ATRX: variants seen among roughly 807,000 people sequenced by gnomAD.
ATRX encodes chromatin remodeler ATRX.
A neutral mutation model predicts 172.6 loss-of-function variants in ATRX; 12 were observed. That is an observed-to-expected ratio of 0.07 (90% CI 0.04 to 0.11). The LOEUF (loss-of-function observed/expected upper bound fraction) is 0.11. Ranked by LOEUF, ATRX falls within the 10% of genes least tolerant of loss-of-function variation. ATRX has a pLI of 1.00. For missense variants in ATRX, 1,368 were observed against 1,767.4 expected, an observed-to-expected ratio of 0.77 and a Z score of 4.05; for synonymous variants, 674 against 594.7, an observed-to-expected ratio of 1.13 and a Z score of -1.94.
At chrX:77,559,560 G>A (rs782509722) in intron 28 of ATRX, among the ~76,000 whole-genome samples, 5 of 101,057 alleles carry the variant, frequency 4.9e-5, no homozygotes, top group Non-Finnish European at 9.8e-5. Context: ...CCAGGTTCAA[G>A]TGATTCTCCT....
intron 19 of ATRX, among the ~76,000 whole-genome samples, chrX:77,622,297 A>G (rs2067625604): frequency 8.9e-6 from 1 of 111,829 alleles, no homozygotes; most frequent in African/African-American, 3.3e-5. Flanking sequence ...TGGGGCTTAA[A>G]CCATGGGATA....
At chrX:77,643,559 T>C (rs2068763410) in intron 15 of ATRX, among the ~76,000 whole-genome samples, 1 of 110,869 alleles carries the variant, frequency 9.0e-6, no homozygotes, top group South Asian at 3.8e-4. Flanking sequence ...TAGCTGGGAC[T>C]ATAGGTGTGC....
In ATRX at chrX:77,506,842, A is replaced by C; in HGVS notation, c.*1509T>G. On this transcript the variant is annotated 3_prime_UTR_variant, in exon 35 of 35. Coordinates refer to ENST00000373344, the MANE Select transcript of ATRX (RefSeq NM_000489.6). ...AAACAACTCAAAGCAGTTTTAGCTA[A>C]TGTTAAACTCATTCTAATCCAGTGA... 1 of 168,838 alleles carries C rather than the reference A, an allele frequency of 5.9e-6. No individual in the cohort carries two copies. 13.9% of individuals were successfully genotyped at this position (168,838 alleles called of 1,213,427 possible).
In ATRX at chrX:77,558,652, G is replaced by A. The variant is rs2273322; in HGVS notation, c.6504+17C>T. The A allele has an allele frequency of 8.6e-7, 1 of 1,157,955 alleles. No homozygotes were observed. The highest frequency in any genetic ancestry group is 1.2e-6 in the Non-Finnish European group (1 of 850,901). ...TCACATAAACTTTCAATATGAAAAA[G>A]AGAATTATAAACCTACCTGAGCTAA... On this transcript the variant is annotated intron_variant, in intron 29 of 34. Coordinates refer to ENST00000373344, the MANE Select transcript of ATRX (RefSeq NM_000489.6).
chrX:77,722,370 AT>A (rs782135002), intron 1 of ATRX, among the ~76,000 whole-genome samples: 2 of 103,513 alleles, frequency 1.9e-5, no homozygotes, highest in Non-Finnish European at 4.1e-5. Flanking sequence ...CAAAAAAAAA[AT>A]ATATATATAT....
intron 1 of ATRX, among the ~76,000 whole-genome samples, chrX:77,767,544 C>T (rs1015790123): frequency 9.1e-6 from 1 of 109,760 alleles, no homozygotes; most frequent in Non-Finnish European, 1.9e-5. Flanking sequence ...TATAGGCACC[C>T]GCCATCATGC....
intron 9 of ATRX, among the ~76,000 whole-genome samples, chrX:77,679,500 TTGAG>T (rs1411369833): frequency 2.7e-5 from 3 of 111,987 alleles, no homozygotes; most frequent in African/African-American, 6.5e-5. Flanking sequence ...GATGCATCAA[TTGAG>T]TATTTGCCAT....
At chrX:77,767,801 T>C (rs2076025274) in intron 1 of ATRX, among the ~76,000 whole-genome samples, 1 of 111,792 alleles carries the variant, frequency 8.9e-6, no homozygotes, top group Non-Finnish European at 1.9e-5. Flanking sequence ...TCACACTATC[T>C]TCGGACCAAA....
chrX:77,669,455 G>A lies in ATRX; in HGVS notation c.3810-4677C>T, dbSNP rs373899573. The stretch of plus-strand genomic sequence containing the variant: ...TCTCCTGCCTCAGCCTCCCGAGTAC[G>A]TAGGACTACAGGTGTGTGCCACCAC... On this transcript the variant is annotated intron_variant, in intron 10 of 34. Transcript: ENST00000373344. Among the ~76,000 whole-genome samples, 16 of 109,728 alleles carry A rather than the reference G, an allele frequency of 1.5e-4. No individual in the cohort carries two copies. In the East Asian group the frequency reaches 2.6e-3, roughly 18 times the overall value.
At chrX:77,709,644 T>TA (rs138104364) in intron 2 of ATRX, among the ~76,000 whole-genome samples, 3,358 of 90,735 alleles carry the variant, frequency 0.037, 160 homozygotes, top group African/African-American at 0.13. Context: ...TCCAATGGAG[T>TA]AAAAAAAAAA....
chrX:77,685,844 G>C (rs1474454568), intron 7 of ATRX, among the ~76,000 whole-genome samples: 2 of 111,928 alleles, frequency 1.8e-5, no homozygotes, highest in Non-Finnish European at 3.8e-5. Context: ...ATACACAATG[G>C]AGTACTATTC....
chrX:77,584,356 A>T (rs1415137450), intron 27 of ATRX, among the ~76,000 whole-genome samples: 1 of 112,005 alleles, frequency 8.9e-6, no homozygotes, highest in Non-Finnish European at 1.9e-5. Context: ...GACCCAAAAT[A>T]GCCAAAGCTA....
chrX:77,594,400 T>C (rs1232738453), intron 25 of ATRX: 1 of 111,977 alleles, frequency 8.9e-6, no homozygotes, highest in Non-Finnish European at 1.9e-5. Context: ...CGTTCTTATA[T>C]ATTTTCCCCA....
At chrX:77,518,071 T>C (rs782692731) in intron 34 of ATRX, among the ~76,000 whole-genome samples, 5 of 111,896 alleles carry the variant, frequency 4.5e-5, no homozygotes, top group Admixed American at 9.5e-5. Context: ...TCGTACTCAA[T>C]GGGGAAAAAC....
rs782526170 is a variant in ATRX, at chrX:77,766,385, G to A, written c.20+19597C>T. The stretch of plus-strand genomic sequence containing the variant: ...CGGAGACGCTCCTCACTTCCCAGAC[G>A]GGGTGGCAGCGGGGCAGAGGGGCTC... On this transcript the variant is annotated intron_variant, in intron 1 of 34. Transcript: ENST00000373344. Among the ~76,000 whole-genome samples, 366 of 111,368 alleles carry A rather than the reference G, an allele frequency of 3.3e-3. 1 individual carries two copies. The highest frequency in any genetic ancestry group is 0.011 in the African/African-American group (345 of 30,662).
intron 27 of ATRX, among the ~76,000 whole-genome samples, chrX:77,588,404 C>T (rs782079269): frequency 4.8e-4 from 53 of 111,397 alleles, no homozygotes; most frequent in Non-Finnish European, 9.2e-4. Flanking sequence ...AAAGCACAAG[C>T]AACAAAAGAA....
intron 26 of ATRX, among the ~76,000 whole-genome samples, chrX:77,590,271 T>C (rs186525934): frequency 4.0e-4 from 44 of 110,532 alleles, no homozygotes; most frequent in Non-Finnish European, 9.5e-5. Flanking sequence ...GGATAATTAA[T>C]TGTAGGGCCC....
In ATRX at chrX:77,613,721, A is replaced by G. The variant is rs782701315; in HGVS notation, c.5566+2892T>C. 2.7e-5 allele frequency among the ~76,000 whole-genome samples: 3 copies of G among 112,113 alleles called. No individual in the cohort carries two copies. In the East Asian group the frequency reaches 8.3e-4, roughly 31 times the overall value. On this transcript the variant is annotated intron_variant, in intron 22 of 34. Transcript: ENST00000373344. ...ATTCTGCATGTGAATCCCTTATCAG[A>G]TATATGTTTTGCAATATTTTCTCAC...
chrX:77,729,107 C>G (rs1410221216), intron 1 of ATRX, among the ~76,000 whole-genome samples: 1 of 101,531 alleles, frequency 9.8e-6, no homozygotes, highest in Non-Finnish European at 2.0e-5. Context: ...AAGTTATCTG[C>G]CAGATGCTCA....
Sources: gnomAD v4.1 joint callset for allele counts (sites outside exome capture counted in the v4.1 genomes callset) on GRCh38, gnomAD v4.1.1 for gene constraint, MANE v1.5 for transcripts, NCBI Gene and HGNC (gene_info 2026-07-23, HGNC 2026-07-21) for gene names.